EFR3B: variants seen among roughly 807,000 people sequenced by gnomAD.
EFR3B encodes the protein EFR3 homolog B.
EFR3B carries 64 observed loss-of-function variants against 104.7 expected under a neutral mutation model. That is an observed-to-expected ratio of 0.61 (90% confidence interval 0.50 to 0.75). EFR3B has a LOEUF of 0.75. Ranked by LOEUF, EFR3B falls within the 30% of genes least tolerant of loss-of-function variation. The pLI is 0.00. For synonymous variants in EFR3B, 385 were observed against 417.9 expected (o/e 0.92, Z 0.96); for missense variants, 750 against 1,078.5 (o/e 0.70, Z 4.27).
chr2:25,151,150 G>GC (rs1263891003), intron 20 of EFR3B, among the ~76,000 whole-genome samples: 1 of 151,920 alleles, frequency 6.6e-6, no homozygotes, highest in Non-Finnish European at 1.5e-5. Context: ...ATACCAAGCA[G>GC]CATGTGTAGA....
intron 1 of EFR3B, 44 bp from the exon 2 acceptor site, chr2:25,091,281 C>T (rs1162868901): frequency 1.0e-5 from 16 of 1,537,592 alleles, no homozygotes; most frequent in Admixed American, 8.0e-5. Context: ...TTCCTGGGCC[C>T]GACCAGGAGG....
intron 3 of EFR3B, among the ~76,000 whole-genome samples, chr2:25,098,744 T>A (rs1450847649): frequency 6.6e-6 from 1 of 152,012 alleles, no homozygotes; most frequent in Non-Finnish European, 1.5e-5. Context: ...GCCTTATACT[T>A]CTTTACTTTT....
intron 4 of EFR3B, 83 bp downstream of exon 4, chr2:25,103,870 C>G: frequency 6.7e-7 from 1 of 1,487,108 alleles, no homozygotes; most frequent in Non-Finnish European, 9.0e-7. Context: ...GGGGTCGGCA[C>G]TGTCATGTTC....
At chr2:25,063,922 T>C (rs553149874) in intron 1 of EFR3B, among the ~76,000 whole-genome samples, 12 of 152,202 alleles carry the variant, frequency 7.9e-5, no homozygotes, top group Non-Finnish European at 1.5e-4. Context: ...CAGAATCTGC[T>C]TGAGGGACTT....
At chr2:25,084,325 C>T (rs1427728590) in intron 1 of EFR3B, among the ~76,000 whole-genome samples, 1 of 152,044 alleles carries the variant, frequency 6.6e-6, no homozygotes, top group African/African-American at 2.4e-5. Flanking sequence ...CAACCTCTGC[C>T]TCCCAGATTC....
chr2:25,138,269 C>T (rs2149208810), intron 15 of EFR3B, among the ~76,000 whole-genome samples: 1 of 152,356 alleles, frequency 6.6e-6, no homozygotes, highest in South Asian at 2.1e-4. Context: ...GTGTCTATTT[C>T]CTGGGAAGGT....
rs115865421 is a variant in EFR3B at position 25,061,393 on chromosome 2, G to A, written c.7+19074G>A. Among the ~76,000 whole-genome samples the A allele has an allele frequency of 1.7e-3, 264 of 152,000 alleles. 4 individuals are homozygous for A. The highest frequency in any genetic ancestry group is 6.1e-3 in the African/African-American group (252 of 41,448). On this transcript the variant is annotated intron_variant, in intron 1 of 22. Transcript: ENST00000403714. ...CTCCCAAAGTGCTGGGATTACAGGCGGGATGCACCGTGCCCAACCTGGAGT... is the reference window on the plus strand; with the variant it reads ...CTCCCAAAGTGCTGGGATTACAGGCAGGATGCACCGTGCCCAACCTGGAGT...
At chr2:25,146,423 T>G (rs1670817762) in intron 19 of EFR3B, 2 of 152,174 alleles carry the variant, frequency 1.3e-5, no homozygotes, top group African/African-American at 4.8e-5. Flanking sequence ...AAGCTCTGAC[T>G]TGGGCTAATT....
intron 17 of EFR3B, among the ~76,000 whole-genome samples, chr2:25,142,007 A>G (rs1344037282): frequency 6.6e-6 from 1 of 152,206 alleles, no homozygotes; most frequent in Non-Finnish European, 1.5e-5. Flanking sequence ...ATATTTAAAA[A>G]TACGGGACTA....
chr2:25,080,283 C>G (rs1162528626), intron 1 of EFR3B: 2 of 154,476 alleles, frequency 1.3e-5, no homozygotes, highest in South Asian at 5.6e-5. Flanking sequence ...CTCCCCAAAG[C>G]TTTTTTTTTT....
chr2:25,148,261 T>TAA (rs1318747646), intron 19 of EFR3B, among the ~76,000 whole-genome samples: 5 of 139,802 alleles, frequency 3.6e-5, no homozygotes, highest in Admixed American at 7.2e-5. Flanking sequence ...CTTCTTTTTT[T>TAA]AAAAAAAAAA....
At chr2:25,153,830 C>A in intron 22 of EFR3B, 69 bp downstream of exon 22, 1 of 1,437,060 alleles carries the variant, frequency 7.0e-7, no homozygotes, top group Non-Finnish European at 9.6e-7. Flanking sequence ...CATCCTGAGT[C>A]CTCTCACCCC....
chr2:25,044,560 G>C (rs957600622), intron 1 of EFR3B, among the ~76,000 whole-genome samples: 2 of 152,096 alleles, frequency 1.3e-5, no homozygotes, highest in African/African-American at 2.4e-5. Flanking sequence ...GAAAATGGGG[G>C]CCTCCTGGCA....
intron 4 of EFR3B, among the ~76,000 whole-genome samples, chr2:25,118,662 G>A (rs1669928930): frequency 6.9e-6 from 1 of 145,838 alleles, no homozygotes; most frequent in Non-Finnish European, 1.5e-5. Context: ...GGCCAAGGTG[G>A]GAGGATTGCT....
chr2:25,082,432 A>T (rs1349320652), intron 1 of EFR3B, among the ~76,000 whole-genome samples: 1 of 152,194 alleles, frequency 6.6e-6, no homozygotes, highest in Non-Finnish European at 1.5e-5. Context: ...CAGGAGCTAC[A>T]GGTGTTGGCA....
chr2:25,113,275 T>A (rs1468851229), intron 4 of EFR3B, among the ~76,000 whole-genome samples: 1 of 152,158 alleles, frequency 6.6e-6, no homozygotes, highest in East Asian at 1.9e-4. Context: ...AAAACCATGA[T>A]CTTTCATGAT....
chr2:25,095,337 G>A (rs1164193345), intron 3 of EFR3B, among the ~76,000 whole-genome samples: 4 of 152,186 alleles, frequency 2.6e-5, no homozygotes, highest in African/African-American at 9.7e-5. Context: ...TATGTAGACA[G>A]TATTTGCAAT....
chr2:25,111,598 C>A (rs1037133608), intron 4 of EFR3B, among the ~76,000 whole-genome samples: 2 of 152,196 alleles, frequency 1.3e-5, no homozygotes, highest in Non-Finnish European at 2.9e-5. Context: ...AGGGACTTTG[C>A]AGATGTGATC....
At chr2:25,068,634 T>G (rs1017853208) in intron 1 of EFR3B, among the ~76,000 whole-genome samples, 15 of 69,392 alleles carry the variant, frequency 2.2e-4, no homozygotes, top group Admixed American at 4.0e-4. Flanking sequence ...TTTTTTTATG[T>G]TTTTTTTTTT....
Sources: allele counts gnomAD v4.1 joint callset (sites outside exome capture counted in the v4.1 genomes callset), GRCh38; gene constraint gnomAD v4.1.1; transcripts MANE v1.5; gene names NCBI Gene and HGNC (gene_info 2026-07-23, HGNC 2026-07-21).